The following TTC28 variants were observed in gnomAD, a reference collection of about 807,000 sequenced individuals.
The protein encoded by TTC28 is tetratricopeptide repeat protein 28.
A neutral mutation model predicts 198.0 loss-of-function variants in TTC28; 61 were observed. That is an observed-to-expected ratio of 0.31 (90% CI 0.25 to 0.38). The LOEUF is 0.38. Among genes scored for constraint, TTC28 ranks in the 10% least tolerant of loss-of-function variants. The pLI, the probability that TTC28 is intolerant of heterozygous loss-of-function variation, is 1.00. For missense variants in TTC28, 2,678 were observed against 3,164.0 expected (o/e 0.85, Z 3.69); for synonymous variants, 1,171 against 1,297.8 (o/e 0.90, Z 2.10).
chr22:28,609,175 G>A (rs985657754), intron 2 of TTC28, among the ~76,000 whole-genome samples: 3 of 152,146 alleles, frequency 2.0e-5, no homozygotes, highest in Non-Finnish European at 2.9e-5. Context: ...AAGGGAAAAC[G>A]TGAGCAATAT....
At chr22:28,600,605 A>G (rs1208329096) in intron 2 of TTC28, among the ~76,000 whole-genome samples, 1 of 152,206 alleles carries the variant, frequency 6.6e-6, no homozygotes. Context: ...TATGTATTGA[A>G]TATTTATCAT....
intron 2 of TTC28, among the ~76,000 whole-genome samples, chr22:28,600,430 G>A (rs746561613): frequency 3.3e-5 from 5 of 152,012 alleles, no homozygotes; most frequent in Admixed American, 6.6e-5. Context: ...AAATATGTTC[G>A]AGGACATATA....
intron 2 of TTC28, among the ~76,000 whole-genome samples, chr22:28,623,266 T>C (rs6005827): frequency 2.6e-5 from 4 of 152,180 alleles, no homozygotes; most frequent in African/African-American, 4.8e-5. Flanking sequence ...CAAAATAGTT[T>C]ATAATACAAA....
At chr22:28,226,223 T>A (rs1358822115) in intron 5 of TTC28, among the ~76,000 whole-genome samples, 2 of 152,200 alleles carry the variant, frequency 1.3e-5, no homozygotes, top group Non-Finnish European at 2.9e-5. Context: ...GCCAAACTGT[T>A]TTCCAAAGTG....
chr22:28,036,342 T>C (rs1402306103), intron 12 of TTC28, among the ~76,000 whole-genome samples: 1 of 152,104 alleles, frequency 6.6e-6, no homozygotes, highest in Admixed American at 6.5e-5. Context: ...TGCAATCACA[T>C]TAGAACTCAG....
In TTC28 at chr22:28,651,403, G is replaced by A. The variant is rs141977012; in HGVS notation, c.103-21573C>T. ...TGTGACCTCAACCTCCCAGGATCAG[G>A]TGATCTTCCCACCTCAGTCTCCCAA... On this transcript the variant is annotated intron_variant, in intron 1 of 22. Transcript: ENST00000397906. Among the ~76,000 whole-genome samples the A allele has an allele frequency of 2.3e-3, 356 of 151,756 alleles. 5 individuals are homozygous for A. The highest frequency in any genetic ancestry group is 8.3e-3 in the African/African-American group (341 of 41,288).
intron 2 of TTC28, among the ~76,000 whole-genome samples, chr22:28,337,954 G>T (rs535709747): frequency 6.6e-6 from 1 of 152,258 alleles, no homozygotes; most frequent in East Asian, 1.9e-4. Flanking sequence ...TTTACAATTT[G>T]GCATGTTTTT....
intron 2 of TTC28, among the ~76,000 whole-genome samples, chr22:28,319,968 A>G (rs2145845069): frequency 6.6e-6 from 1 of 152,284 alleles, no homozygotes; most frequent in Non-Finnish European, 1.5e-5. Flanking sequence ...GTGTAGTTAC[A>G]TTACGGTAGG....
chr22:28,617,979 ATG>A (rs1387201219), intron 2 of TTC28, among the ~76,000 whole-genome samples: 2 of 152,116 alleles, frequency 1.3e-5, no homozygotes, highest in African/African-American at 4.8e-5. Context: ...TACAAAATAA[ATG>A]GCTGTTGTTG....
intron 5 of TTC28, among the ~76,000 whole-genome samples, chr22:28,241,811 A>G (rs1475754867): frequency 2.6e-5 from 4 of 152,176 alleles, no homozygotes; most frequent in Non-Finnish European, 4.4e-5. Flanking sequence ...GGTTATGACA[A>G]TGTAACAAAG....
Position 27,983,627 on chromosome 22 carries a change from C to T in TTC28, c.6040G>A (p.Gly2014Ser), listed in dbSNP as rs779981278. 3 of 1,542,978 alleles carry T rather than the reference C, an allele frequency of 1.9e-6. No individual in the cohort carries two copies. Among genetic ancestry groups the T allele is most frequent in the South Asian group, 1.2e-5 (1 of 82,836 alleles). The part of the protein sequence containing the change: ...FVSKPEGGSE[G>S]GGPGGRQDHD... ...TCCTGCCGTCCTCCGGGGCCTCCAC[C>T]CTCTGATCCACCCTCGGGTTTGGAG... The change falls in exon 23 of 23, where the codon GGT becomes AGT. Residue 2014 changes from glycine (G) to serine (S), a missense_variant. By Grantham distance (56) the Gly-to-Ser change is moderately conservative. This residue lies in a region of TTC28 where 622 missense variants were observed against 656.0 expected (regional missense o/e 0.95). Transcript: ENST00000397906.
At chr22:28,444,150 T>A (rs183291722) in intron 2 of TTC28, among the ~76,000 whole-genome samples, 67 of 152,322 alleles carry the variant, frequency 4.4e-4, no homozygotes, top group African/African-American at 1.6e-3. Flanking sequence ...AAATATTATA[T>A]AATTCTACTA....
intron 5 of TTC28, among the ~76,000 whole-genome samples, chr22:28,201,528 A>T (rs753162324): frequency 9.9e-5 from 15 of 152,194 alleles, no homozygotes; most frequent in Non-Finnish European, 1.9e-4. Context: ...ACAAGAAGCA[A>T]GAGATAAGAG....
intron 2 of TTC28, among the ~76,000 whole-genome samples, chr22:28,339,871 C>T (rs991458932): frequency 2.6e-5 from 4 of 152,160 alleles, no homozygotes; most frequent in Non-Finnish European, 5.9e-5. Flanking sequence ...TTCTTTGGCT[C>T]ACACTCAGTG....
At chr22:28,643,637 T>C (rs1488364327) in intron 1 of TTC28, among the ~76,000 whole-genome samples, 1 of 152,214 alleles carries the variant, frequency 6.6e-6, no homozygotes, top group Non-Finnish European at 1.5e-5. Flanking sequence ...GTCTTAAGAT[T>C]TGAAACTTCT....
intron 2 of TTC28, among the ~76,000 whole-genome samples, chr22:28,398,727 T>C (rs1474143256): frequency 2.6e-5 from 4 of 152,224 alleles, no homozygotes; most frequent in Non-Finnish European, 5.9e-5. Flanking sequence ...TTCAAGGTAA[T>C]TTTGACTATT....
intron 13 of TTC28, among the ~76,000 whole-genome samples, chr22:28,024,000 C>G (rs572364699): frequency 6.6e-6 from 1 of 152,286 alleles, no homozygotes; most frequent in Admixed American, 6.5e-5. Flanking sequence ...TCATTATCAT[C>G]TTTGTTATTG....
At chr22:28,257,656 A>C (rs1931024462) in intron 5 of TTC28, among the ~76,000 whole-genome samples, 1 of 149,636 alleles carries the variant, frequency 6.7e-6, no homozygotes, top group Admixed American at 6.7e-5. Context: ...AAGAATATAA[A>C]TATATTTATT....
chr22:28,136,012 G>T (rs1032465112), intron 6 of TTC28, among the ~76,000 whole-genome samples: 1 of 152,060 alleles, frequency 6.6e-6, no homozygotes, highest in Non-Finnish European at 1.5e-5. Flanking sequence ...ATCAATTGCA[G>T]AATAATACTA....
Sources: allele counts gnomAD v4.1 joint callset (sites outside exome capture counted in the v4.1 genomes callset), GRCh38; gene constraint gnomAD v4.1.1; regional missense constraint gnomAD v4.1.1; transcripts MANE v1.5; gene names NCBI Gene and HGNC (gene_info 2026-07-23, HGNC 2026-07-21).